The following HIPK1 variants were observed in gnomAD, a reference collection of about 807,000 sequenced individuals.
The protein encoded by HIPK1 is homeodomain-interacting protein kinase 1.
HIPK1 carries 28 observed loss-of-function variants against 117.1 expected under a neutral mutation model. That is an observed-to-expected ratio of 0.24 (90% CI 0.18 to 0.33). The LOEUF is 0.33. Among genes scored for constraint, HIPK1 ranks in the 10% least tolerant of loss-of-function variants. HIPK1 has a pLI of 1.00. For synonymous variants in HIPK1, 605 were observed against 562.5 expected (o/e 1.08, Z -1.07); for missense variants, 1,122 against 1,475.1 (o/e 0.76, Z 3.92).
chr1:113,947,250 A>G (rs1671044954), intron 2 of HIPK1, among the ~76,000 whole-genome samples: 2 of 152,170 alleles, frequency 1.3e-5, no homozygotes, highest in South Asian at 4.1e-4. Flanking sequence ...ACTCCAAGCA[A>G]AGCTCCTGTC....
Position 113,976,787 on chromosome 1 carries a change from C to T in HIPK1, c.*3275C>T, listed in dbSNP as rs1411921713. On this transcript the variant is annotated 3_prime_UTR_variant, in exon 16 of 16. Coordinates refer to ENST00000426820, the MANE Select transcript of HIPK1 (RefSeq NM_198268.3). ...TTTAGTGAGCAGCTGGCCTGGGTCA[C>T]AGTGACCTGACCTCAAACCAGCTTA... is the stretch of plus-strand genomic sequence containing the variant. 6.5e-6 allele frequency: 1 copy of T among 152,842 alleles called. No homozygotes were observed. The highest frequency in any genetic ancestry group is 2.4e-5 in the African/African-American group (1 of 41,460). The allele number at this position is 152,842 out of a possible 1,614,324, so 9.5% of individuals were successfully genotyped here.
At chr1:113,972,795 T>G (rs928925798) in intron 15 of HIPK1, among the ~76,000 whole-genome samples, 8 of 152,146 alleles carry the variant, frequency 5.3e-5, no homozygotes, top group Admixed American at 5.2e-4. Context: ...CCTCTTCCTG[T>G]CATACTTACA....
chr1:113,959,442 A>G (rs1311781106), intron 8 of HIPK1, among the ~76,000 whole-genome samples: 1 of 152,220 alleles, frequency 6.6e-6, no homozygotes, highest in African/African-American at 2.4e-5. Flanking sequence ...CATATGCTTC[A>G]TAATAGTAAA....
rs1016162330 is a variant in HIPK1 at position 113,940,911 on chromosome 1, G to A, written c.528G>A (p.Gln176=). 1 of 1,614,172 alleles carries A rather than the reference G, an allele frequency of 6.2e-7. No individual in the cohort carries two copies. The highest frequency in any genetic ancestry group is 1.3e-5 in the African/African-American group (1 of 75,034). Residue 176 remains glutamine (Q), a synonymous_variant, in exon 2 of 16, where the codon CAG becomes CAA. Transcript: ENST00000426820. ...SSSSSGEGDY[Q]LVQHEILCSM... Reference sequence around the variant, plus strand: ...GTTCCAGCGGAGAAGGGGATTACCAGCTGGTCCAGCATGAGATCCTTTGCT... The same window carrying A: ...GTTCCAGCGGAGAAGGGGATTACCAACTGGTCCAGCATGAGATCCTTTGCT...
chr1:113,977,240 T>C lies in HIPK1; in HGVS notation c.*3728T>C, dbSNP rs1302218657. 1 of 152,792 alleles carries C rather than the reference T, an allele frequency of 6.5e-6. No homozygotes were observed. Among genetic ancestry groups the C allele is most frequent in the Non-Finnish European group, 1.5e-5 (1 of 68,048 alleles). 9.5% of individuals were successfully genotyped at this position (152,792 alleles called of 1,614,324 possible). A position where few individuals can be genotyped will look rare whatever the true frequency, so the allele number is the denominator to read the frequency against. ...CGAGCCTGCTTCCTATTTTGATTTT[T>C]TTTTTTTTTAACTGATAGATGGTGC... On this transcript the variant is annotated 3_prime_UTR_variant, in exon 16 of 16. Coordinates refer to ENST00000426820, the MANE Select transcript of HIPK1 (RefSeq NM_198268.3).
intron 15 of HIPK1, chr1:113,972,169 G>T (rs956139091): frequency 2.2e-6 from 3 of 1,368,474 alleles, no homozygotes; most frequent in Non-Finnish European, 2.0e-6. Context: ...TTTTCCATCA[G>T]ACCTCCCTAA....
chr1:113,938,979 G>A (rs1236593262), intron 1 of HIPK1, among the ~76,000 whole-genome samples: 4 of 142,944 alleles, frequency 2.8e-5, no homozygotes, highest in Non-Finnish European at 3.0e-5. Context: ...AGATGGAATG[G>A]ATAAGATAGA....
chr1:113,967,304 G>T (rs1162067201), intron 11 of HIPK1, among the ~76,000 whole-genome samples: 1 of 152,174 alleles, frequency 6.6e-6, no homozygotes, highest in Non-Finnish European at 1.5e-5. Flanking sequence ...CCTCCAAACT[G>T]TTCTCCATAA....
In HIPK1 at chr1:113,970,129, C is replaced by T. The variant is rs776702242; in HGVS notation, c.2945C>T (p.Thr982Ile). 1.2e-6 allele frequency: 2 copies of T among 1,614,088 alleles called. No individual in the cohort carries two copies. The highest frequency in any genetic ancestry group is 1.7e-6 in the Non-Finnish European group (2 of 1,179,978). Residue 982 changes from threonine to isoleucine, a missense_variant, in exon 14 of 16, where the codon ACC becomes ATC. By Grantham distance (89) the Thr-to-Ile change is moderately conservative. Around this residue, in one of 6 missense-constraint regions of HIPK1, gnomAD observed 731 missense variants for 860.4 expected, o/e 0.85. Coordinates refer to ENST00000426820, the MANE Select transcript of HIPK1 (RefSeq NM_198268.3). Reference sequence around the variant, plus strand: ...AGAGTTGTGGCAGATGGCACTGGCACCCGCACTATCATTGTGCCTCCACTG... The same window carrying T: ...AGAGTTGTGGCAGATGGCACTGGCATCCGCACTATCATTGTGCCTCCACTG... ...PGRVVADGTG[T>I]RTIIVPPLKT...
intron 2 of HIPK1, among the ~76,000 whole-genome samples, chr1:113,947,566 T>C (rs1175257832): frequency 6.6e-6 from 1 of 152,088 alleles, no homozygotes; most frequent in Non-Finnish European, 1.5e-5. Context: ...GAAACGAAAA[T>C]GTTCATGAAA....
intron 7 of HIPK1, among the ~76,000 whole-genome samples, chr1:113,957,789 C>T (rs1671822411): frequency 6.6e-6 from 1 of 151,694 alleles, no homozygotes; most frequent in Non-Finnish European, 1.5e-5. Flanking sequence ...TGGGATCTTC[C>T]ATCCAGTAAT....
intron 1 of HIPK1, among the ~76,000 whole-genome samples, chr1:113,935,972 AGAAT>A (rs1351445326): frequency 1.3e-5 from 2 of 152,256 alleles, no homozygotes; most frequent in Non-Finnish European, 2.9e-5. Context: ...ACCTAGGAAG[AGAAT>A]TGCCTCCCCA....
intron 1 of HIPK1, chr1:113,930,892 G>T (rs1471535595): frequency 6.6e-6 from 1 of 152,238 alleles, no homozygotes; most frequent in Non-Finnish European, 1.5e-5. Flanking sequence ...CACTGATTCT[G>T]TTGTAGGTAG....
At chr1:113,942,588 A>T (rs1350433013) in intron 2 of HIPK1, among the ~76,000 whole-genome samples, 2 of 152,174 alleles carry the variant, frequency 1.3e-5, no homozygotes, top group East Asian at 3.8e-4. Flanking sequence ...TTCTCTAAAT[A>T]CTTTGAACTT....
Position 113,977,637 on chromosome 1 carries a change from T to C in HIPK1, c.*4125T>C, listed in dbSNP as rs1673208425. The C allele has an allele frequency of 6.6e-6, 1 of 152,650 alleles. No individual in the cohort carries two copies. The highest frequency in any genetic ancestry group is 1.5e-5 in the Non-Finnish European group (1 of 68,028). The allele number at this position is 152,650 out of a possible 1,614,324, so 9.5% of individuals were successfully genotyped here. ...AAAGAAATAGATATTTAAAATTTAATACTAACTATGGGAAAAGGGTCCATT... is the reference window on the plus strand; with the variant it reads ...AAAGAAATAGATATTTAAAATTTAACACTAACTATGGGAAAAGGGTCCATT... On this transcript the variant is annotated 3_prime_UTR_variant, in exon 16 of 16. Transcript: ENST00000426820.
chr1:113,961,968 A>C (rs1672149948), intron 8 of HIPK1, among the ~76,000 whole-genome samples: 1 of 151,182 alleles, frequency 6.6e-6, no homozygotes, highest in Admixed American at 6.6e-5. Context: ...AAAAAAAAAA[A>C]ATGAAAGTGA....
rs367577873 is a variant in HIPK1 at position 113,944,117 on chromosome 1, A to G, written c.1076+2658A>G. ...AGTTCTGGGATTACAGGTGTGAACT[A>G]CCACTCCTGGCCTTGTTTTGTTTTT... On this transcript the variant is annotated intron_variant, in intron 2 of 15. Coordinates refer to ENST00000426820, the MANE Select transcript of HIPK1 (RefSeq NM_198268.3). Among the ~76,000 whole-genome samples the G allele has an allele frequency of 9.9e-5, 14 of 140,856 alleles. No individual in the cohort carries two copies. In the East Asian group the frequency reaches 1.7e-3, roughly 17 times the overall value. The allele number at this position is 140,856 out of a possible 152,430, so 92.4% of individuals were successfully genotyped here.
intron 4 of HIPK1, among the ~76,000 whole-genome samples, chr1:113,955,025 C>T (rs1375193168): frequency 1.3e-5 from 2 of 152,204 alleles, no homozygotes; most frequent in African/African-American, 4.8e-5. Context: ...GAGGGTAGTG[C>T]TCACCATTAA....
chr1:113,964,998 C>T (rs1044670236), intron 10 of HIPK1, among the ~76,000 whole-genome samples: 9 of 152,200 alleles, frequency 5.9e-5, no homozygotes, highest in African/African-American at 1.7e-4. Context: ...TATGGAAAGA[C>T]GCATGGTGTG....
Sources: allele counts gnomAD v4.1 joint callset (sites outside exome capture counted in the v4.1 genomes callset), GRCh38; gene constraint gnomAD v4.1.1; regional missense constraint gnomAD v4.1.1; transcripts MANE v1.5; gene names NCBI Gene and HGNC (gene_info 2026-07-23, HGNC 2026-07-21).